KAZN: variants seen among roughly 807,000 people sequenced by gnomAD.
KAZN encodes kazrin.
In KAZN, 40 loss-of-function variants were observed where a neutral mutation model predicts 87.4. The ratio of observed to expected loss-of-function variants is 0.46; its 90% CI spans 0.36 to 0.60. The LOEUF (loss-of-function observed/expected upper bound fraction) is 0.60. Among genes scored for constraint, KAZN ranks in the 20% least tolerant of loss-of-function variants. The probability of loss-of-function intolerance (pLI) is 0.00; values close to 1 mark genes in which losing one functional copy is unlikely to be tolerated. For synonymous variants in KAZN, 466 were observed against 458.3 expected (o/e 1.02, Z -0.22); for missense variants, 898 against 1,073.9 (o/e 0.84, Z 2.29).
intron 2 of KAZN, among the ~76,000 whole-genome samples, chr1:14,257,852 G>A (rs1468735230): frequency 8.4e-4 from 117 of 139,464 alleles, no homozygotes; most frequent in African/African-American, 2.9e-3. Context: ...TAGATGACAC[G>A]TTAGTGGGTG....
At chr1:14,179,304 C>G (rs1039738663) in intron 1 of KAZN, among the ~76,000 whole-genome samples, 2 of 152,192 alleles carry the variant, frequency 1.3e-5, no homozygotes, top group Non-Finnish European at 2.9e-5. Flanking sequence ...CTGGATTTCT[C>G]TTTTCTATGC....
intron 2 of KAZN, among the ~76,000 whole-genome samples, chr1:14,420,039 C>T (rs893149588): frequency 6.6e-6 from 1 of 152,176 alleles, no homozygotes; most frequent in African/African-American, 2.4e-5. Flanking sequence ...GCTGATTGGT[C>T]CATTTTACAG....
chr1:14,375,247 G>A (rs906963427), intron 2 of KAZN, among the ~76,000 whole-genome samples: 8 of 152,068 alleles, frequency 5.3e-5, no homozygotes, highest in African/African-American at 1.7e-4. Flanking sequence ...AGTGCAGGAG[G>A]TTAGATTCAA....
In KAZN at chr1:14,917,027, G is replaced by A. The variant is rs145781135; in HGVS notation, c.227-43657G>A. Among the ~76,000 whole-genome samples the A allele has an allele frequency of 1.1e-3, 167 of 152,192 alleles. 5 individuals are homozygous for A. In the East Asian group the frequency reaches 0.025, roughly 23 times the overall value. On this transcript the variant is annotated intron_variant, in intron 1 of 14. Coordinates refer to ENST00000376030, the MANE Select transcript of KAZN (RefSeq NM_201628.3). ...ATGGCTTGAATGGCCTGTTCTGCCC[G>A]AGGACTGGGCTAAGCTCTGCCTCTA...
At position 15,001,268 on chromosome 1, in the gene KAZN, C is replaced by G. The variant is rs532983377; in HGVS notation, c.419-33481C>G. Among the ~76,000 whole-genome samples the G allele has an allele frequency of 2.0e-5, 3 of 151,004 alleles. No individual in the cohort carries two copies. In the South Asian group the frequency reaches 6.3e-4, roughly 32 times the overall value. On this transcript the variant is annotated intron_variant, in intron 2 of 14. Coordinates refer to ENST00000376030, the MANE Select transcript of KAZN (RefSeq NM_201628.3). ...CTTGAAGTCAGGAGTTTAAGACCAG[C>G]CTGGCCAACAGGGCGAAACCCCATC...
Position 15,112,545 on chromosome 1 carries a change from A to G in KAZN, c.2163+4A>G. 6.9e-7 allele frequency: 1 copy of G among 1,449,978 alleles called. No individual in the cohort carries two copies. The highest frequency in any genetic ancestry group is 9.4e-7 in the Non-Finnish European group (1 of 1,066,668). The allele number at this position is 1,449,978 out of a possible 1,614,324, so 89.8% of individuals were successfully genotyped here. ...TCTCAAGTACAAGGCTGGCCGGGTA[A>G]GTCTCTCAATGGATTTACCTGTGAG... On this transcript the variant is annotated splice_donor_region_variant and intron_variant, in intron 14 of 14. Transcript: ENST00000376030.
At chr1:14,369,183 G>C (rs1474673920) in intron 2 of KAZN, among the ~76,000 whole-genome samples, 1 of 152,180 alleles carries the variant, frequency 6.6e-6, no homozygotes, top group Non-Finnish European at 1.5e-5. Flanking sequence ...TCCTGAATCA[G>C]AACATTTCCT....
intron 1 of KAZN, among the ~76,000 whole-genome samples, chr1:14,874,422 G>C (rs1557577815): frequency 6.6e-6 from 1 of 152,298 alleles, no homozygotes; most frequent in East Asian, 1.9e-4. Context: ...TGGTGACCTT[G>C]AGTTGTTTCA....
chr1:15,084,914 C>T (rs1640176580), intron 8 of KAZN, among the ~76,000 whole-genome samples: 1 of 152,028 alleles, frequency 6.6e-6, no homozygotes, highest in Admixed American at 6.5e-5. Context: ...ATACCAAATA[C>T]AAAATACTAA....
intron 2 of KAZN, among the ~76,000 whole-genome samples, chr1:14,445,049 G>A (rs561720908): frequency 2.3e-4 from 34 of 150,910 alleles, no homozygotes; most frequent in African/African-American, 6.3e-4. Flanking sequence ...TTTTTGAGAC[G>A]GAGTCTTGCT....
intron 1 of KAZN, among the ~76,000 whole-genome samples, chr1:14,067,987 A>G (rs1350116656): frequency 6.6e-6 from 1 of 152,188 alleles, no homozygotes; most frequent in Non-Finnish European, 1.5e-5. Flanking sequence ...TGACACACTC[A>G]TTCCTGAATC....
chr1:14,893,042 A>G (rs1043098090), intron 1 of KAZN, among the ~76,000 whole-genome samples: 1 of 152,198 alleles, frequency 6.6e-6, no homozygotes, highest in African/African-American at 2.4e-5. Flanking sequence ...AAGGCTGATG[A>G]TCTACAGGAG....
At chr1:15,107,312 T>G (rs534573346) in intron 13 of KAZN, among the ~76,000 whole-genome samples, 15 of 152,216 alleles carry the variant, frequency 9.9e-5, no homozygotes, top group African/African-American at 3.6e-4. Context: ...CACTCCAGGT[T>G]TTCTCTCTTT....
chr1:14,867,180 C>T (rs758106452), intron 1 of KAZN, among the ~76,000 whole-genome samples: 2 of 152,214 alleles, frequency 1.3e-5, no homozygotes, highest in Admixed American at 6.5e-5. Flanking sequence ...ACGTTCAGGG[C>T]CCTGTGATCA....
chr1:14,974,539 T>A (rs1005615433), intron 2 of KAZN, among the ~76,000 whole-genome samples: 1 of 152,158 alleles, frequency 6.6e-6, no homozygotes, highest in African/African-American at 2.4e-5. Context: ...TAGCAGCTTA[T>A]TTTTAATAGC....
intron 1 of KAZN, among the ~76,000 whole-genome samples, chr1:14,746,545 C>T (rs139265812): frequency 3.1e-4 from 47 of 151,764 alleles, no homozygotes; most frequent in Non-Finnish European, 5.7e-4. Flanking sequence ...CCAGATGATC[C>T]GGGAAGGCTT....
chr1:14,154,402 T>C (rs1175087982), intron 1 of KAZN, among the ~76,000 whole-genome samples: 1 of 152,122 alleles, frequency 6.6e-6, no homozygotes, highest in Non-Finnish European at 1.5e-5. Context: ...TTTTGTGGAG[T>C]CTTTAGTTTT....
At chr1:14,439,411 A>G (rs1051178982) in intron 2 of KAZN, among the ~76,000 whole-genome samples, 4 of 152,152 alleles carry the variant, frequency 2.6e-5, no homozygotes, top group Admixed American at 2.6e-4. Context: ...CAGAGTTAGG[A>G]GTTTTTACCT....
chr1:14,160,844 T>C (rs1557525263), intron 1 of KAZN, among the ~76,000 whole-genome samples: 1 of 152,252 alleles, frequency 6.6e-6, no homozygotes, highest in Non-Finnish European at 1.5e-5. Flanking sequence ...TTTGAAGCTA[T>C]GTTTTAGAAG....
Sources: allele counts gnomAD v4.1 joint callset (sites outside exome capture counted in the v4.1 genomes callset), GRCh38; gene constraint gnomAD v4.1.1; transcripts MANE v1.5; gene names NCBI Gene and HGNC (gene_info 2026-07-23, HGNC 2026-07-21).